Variants in MMRN1 observed in about 807,000 individuals in gnomAD.
The protein encoded by MMRN1 is multimerin 1.
Under a neutral mutation model 100.7 loss-of-function variants are expected in MMRN1, and 94 were observed. The ratio of observed to expected loss-of-function variants is 0.93; its 90% CI spans 0.79 to 1.11. The LOEUF (loss-of-function observed/expected upper bound fraction) is 1.11. Among genes scored for constraint, MMRN1 ranks in the 50% least tolerant of loss-of-function variants. MMRN1 has a pLI of 0.00. For synonymous variants in MMRN1, 575 were observed against 505.0 expected, an observed-to-expected ratio of 1.14 and a Z score of -1.86; for missense variants, 1,606 against 1,439.1, an observed-to-expected ratio of 1.12 and a Z score of -1.88.
Position 89,895,298 on chromosome 4 carries a change from G to A in MMRN1, c.327G>A (p.Val109=). The A allele has an allele frequency of 1.2e-6, 2 of 1,613,834 alleles. No homozygotes were observed. Among genetic ancestry groups the A allele is most frequent in the Non-Finnish European group, 1.7e-6 (2 of 1,179,904 alleles). The change falls in exon 1 of 8, where the codon GTG becomes GTA. Residue 109 remains valine (V), a synonymous_variant. Transcript: ENST00000264790. ...TLTSTEKAEG[V]VKLQNLTLPT... ...CATCCACAGAGAAAGCAGAAGGAGTGGTCAAGTTACAGAATCTTACCCTCC... is the reference window on the plus strand; with the variant it reads ...CATCCACAGAGAAAGCAGAAGGAGTAGTCAAGTTACAGAATCTTACCCTCC...
intron 3 of MMRN1, among the ~76,000 whole-genome samples, chr4:89,921,099 C>T (rs2110611600): frequency 6.6e-6 from 1 of 152,204 alleles, no homozygotes; most frequent in African/African-American, 2.4e-5. Flanking sequence ...TTATGCTTCC[C>T]TTCCTAACAA....
At chr4:89,899,510 T>A (rs770030930) in intron 1 of MMRN1, among the ~76,000 whole-genome samples, 2 of 152,100 alleles carry the variant, frequency 1.3e-5, no homozygotes, top group African/African-American at 4.8e-5. Context: ...AAATGCTGAT[T>A]CTGAATGAAG....
chr4:89,923,214 T>G lies in MMRN1; in HGVS notation c.897T>G (p.His299Gln), dbSNP rs779956739. 6.2e-7 allele frequency: 1 copy of G among 1,614,012 alleles called. No homozygotes were observed. Among genetic ancestry groups the G allele is most frequent in the South Asian group, 1.1e-5 (1 of 91,088 alleles). Residue 299 changes from histidine to glutamine, a missense_variant, in exon 4 of 8, where the codon CAT becomes CAG. Coordinates refer to ENST00000264790, the MANE Select transcript of MMRN1 (RefSeq NM_007351.3). The part of the protein sequence containing the change: ...SLIHTNQAES[H>Q]TAVGRGVAEQ... ...TACACACCAACCAGGCTGAAAGTCA[T>G]ACAGCTGTTGGCAGAGGAGTAGCTG...
Position 89,953,359 on chromosome 4 carries a change from A to G in MMRN1, c.3628A>G (p.Ile1210Val). 6.2e-7 allele frequency: 1 copy of G among 1,613,408 alleles called. No homozygotes were observed. The highest frequency in any genetic ancestry group is 1.3e-5 in the African/African-American group (1 of 75,010). The change falls in exon 8 of 8, where the codon ATT becomes GTT. Residue 1210 changes from isoleucine (I) to valine (V), a missense_variant. Ile to Val is a conservative substitution (Grantham distance 29). Coordinates refer to ENST00000264790, the MANE Select transcript of MMRN1 (RefSeq NM_007351.3). ...EVWLRLAKGT[I>V]PAKFPPVTTF... ...CTGGTTACGACTTGCAAAAGGAACA[A>G]TTCCAGCCAAGTTTCCCCCTGTTAC...
chr4:89,901,031 G>A (rs1316306101), intron 1 of MMRN1, among the ~76,000 whole-genome samples: 2 of 151,700 alleles, frequency 1.3e-5, no homozygotes, highest in African/African-American at 2.4e-5. Context: ...AAGACAAAAT[G>A]AGGACTGAAA....
intron 1 of MMRN1, among the ~76,000 whole-genome samples, chr4:89,881,427 T>C (rs1160013222): frequency 2.0e-5 from 3 of 152,068 alleles, no homozygotes; most frequent in African/African-American, 4.8e-5. Flanking sequence ...AGAATGAATG[T>C]TGTATGTACT....
At chr4:89,904,110 CT>C (rs1440943846) in intron 1 of MMRN1, among the ~76,000 whole-genome samples, 2 of 151,614 alleles carry the variant, frequency 1.3e-5, no homozygotes, top group Non-Finnish European at 2.9e-5. Context: ...CTCCTCTCTT[CT>C]TTTCCCCTTT....
At position 89,936,111 on chromosome 4, in the gene MMRN1, A is replaced by G; in HGVS notation, c.2431A>G (p.Arg811Gly). 1 of 1,612,730 alleles carries G rather than the reference A, an allele frequency of 6.2e-7. No individual in the cohort carries two copies. The highest frequency in any genetic ancestry group is 8.5e-7 in the Non-Finnish European group (1 of 1,179,604). ...CGCCAAGACCCTTGCAGGTATTCCCAGAGATGAGAAACTAAATCAGTCCAA... is the reference window on the plus strand; with the variant it reads ...CGCCAAGACCCTTGCAGGTATTCCCGGAGATGAGAAACTAAATCAGTCCAA... ...QVAKTLAGIP[R>G]DEKLNQSNFQ... The change falls in exon 6 of 8, where the codon AGA (arginine) becomes GGA (glycine). Residue 811 changes from arginine (R) to glycine (G), a missense_variant. Coordinates refer to ENST00000264790, the MANE Select transcript of MMRN1 (RefSeq NM_007351.3).
intron 1 of MMRN1, among the ~76,000 whole-genome samples, chr4:89,897,232 C>T (rs1006160617): frequency 2.7e-5 from 4 of 145,718 alleles, no homozygotes; most frequent in Non-Finnish European, 6.0e-5. Flanking sequence ...TTTTTTGAGA[C>T]GGAGTCTCGC....
intron 3 of MMRN1, 87 bp downstream of exon 3, chr4:89,912,137 A>G: frequency 1.1e-6 from 1 of 931,808 alleles, no homozygotes. Flanking sequence ...CTTTTGAACC[A>G]AGGTAAATTA....
chr4:89,897,244 C>T (rs1488992933), intron 1 of MMRN1, among the ~76,000 whole-genome samples: 1 of 151,556 alleles, frequency 6.6e-6, no homozygotes, highest in Non-Finnish European at 1.5e-5. Context: ...GAGTCTCGCT[C>T]TCTTGCCAGG....
chr4:89,948,431 A>T (rs1349848692), intron 6 of MMRN1, among the ~76,000 whole-genome samples: 1 of 152,200 alleles, frequency 6.6e-6, no homozygotes, highest in African/African-American at 2.4e-5. Flanking sequence ...GTCTAATAAG[A>T]TAAATTTTAT....
intron 1 of MMRN1, among the ~76,000 whole-genome samples, chr4:89,886,045 A>AAT (rs751389941): frequency 3.3e-4 from 47 of 143,660 alleles, no homozygotes; most frequent in Non-Finnish European, 6.7e-4. Context: ...ATGCCTGGCT[A>AAT]ATTTTTTTTT....
At chr4:89,925,279 G>A (rs1268308630) in intron 4 of MMRN1, among the ~76,000 whole-genome samples, 7 of 148,592 alleles carry the variant, frequency 4.7e-5, no homozygotes. Flanking sequence ...GGGAATACAG[G>A]CACGTCCCAC....
chr4:89,935,338 T>A lies in MMRN1; in HGVS notation c.1658T>A (p.Ile553Lys). The stretch of plus-strand genomic sequence containing the variant: ...TACATGTCTACTTTACATGAAAATA[T>A]AAAGAAGCAGAGTTTGATGATGCTG... ...TEYMSTLHEN[I>K]KKQSLMMLQM... The change falls in exon 6 of 8, where the codon ATA (isoleucine) becomes AAA (lysine). Residue 553 changes from isoleucine to lysine, a missense_variant. By Grantham distance (102) the Ile-to-Lys change is moderately radical. Coordinates refer to ENST00000264790, the MANE Select transcript of MMRN1 (RefSeq NM_007351.3). 1 of 1,613,320 alleles carries A rather than the reference T, an allele frequency of 6.2e-7. No individual in the cohort carries two copies. The highest frequency in any genetic ancestry group is 8.5e-7 in the Non-Finnish European group (1 of 1,179,700).
intron 5 of MMRN1, among the ~76,000 whole-genome samples, chr4:89,929,945 G>A (rs1246410789): frequency 6.6e-6 from 1 of 152,114 alleles, no homozygotes; most frequent in Admixed American, 6.6e-5. Flanking sequence ...GTAAGAGGAG[G>A]TGGATACCTT....
chr4:89,886,475 A>G (rs1022547032), intron 1 of MMRN1, among the ~76,000 whole-genome samples: 2 of 152,258 alleles, frequency 1.3e-5, no homozygotes, highest in East Asian at 1.9e-4. Context: ...CATATTCTGT[A>G]TCAATGAGGG....
At chr4:89,918,132 A>G (rs924213070) in intron 3 of MMRN1, among the ~76,000 whole-genome samples, 9 of 151,238 alleles carry the variant, frequency 6.0e-5, no homozygotes, top group Admixed American at 4.0e-4. Flanking sequence ...TGTTTCAAAT[A>G]GTATATATAC....
At chr4:89,946,563 T>G (rs1410295667) in intron 6 of MMRN1, among the ~76,000 whole-genome samples, 1 of 152,080 alleles carries the variant, frequency 6.6e-6, no homozygotes, top group African/African-American at 2.4e-5. Flanking sequence ...GTTGAATGAG[T>G]TCTGAATGAG....
Sources: gnomAD v4.1 joint callset for allele counts (sites outside exome capture counted in the v4.1 genomes callset) on GRCh38, gnomAD v4.1.1 for gene constraint, MANE v1.5 for transcripts, NCBI Gene and HGNC (gene_info 2026-07-23, HGNC 2026-07-21) for gene names.